The following ATAD2B variants were observed in gnomAD, a reference collection of about 807,000 sequenced individuals.
ATAD2B encodes the protein ATPase family AAA domain containing 2B.
Under a neutral mutation model 167.6 loss-of-function variants are expected in ATAD2B, and 40 were observed. That is an observed-to-expected ratio of 0.24 (90% CI 0.19 to 0.31). The LOEUF (loss-of-function observed/expected upper bound fraction) is 0.31. ATAD2B is among the 10% of genes least tolerant of loss of function. ATAD2B has a pLI of 1.00. For missense variants in ATAD2B, 1,242 were observed against 1,757.2 expected, an observed-to-expected ratio of 0.71 and a Z score of 5.24; for synonymous variants, 579 against 596.5, an observed-to-expected ratio of 0.97 and a Z score of 0.43.
the ATAD2B span, among the ~76,000 whole-genome samples, chr2:23,701,635 C>T: frequency 2.0e-5 from 3 of 150,558 alleles, no homozygotes; most frequent in Admixed American, 6.7e-5. Context: ...ATTGTTTAAG[C>T]CCAGAAGATC....
chr2:23,823,491 T>C lies in ATAD2B; in HGVS notation c.1898A>G (p.Tyr633Cys). Residue 633 changes from tyrosine to cysteine, a missense_variant, in exon 16 of 28, where the codon TAT (tyrosine) becomes TGT (cysteine). By Grantham distance (194) the Tyr-to-Cys change is radical. Around this residue, in one of 9 missense-constraint regions of ATAD2B, gnomAD observed 151 missense variants for 284.1 expected, o/e 0.53. Coordinates refer to ENST00000238789, the MANE Select transcript of ATAD2B (RefSeq NM_017552.4). ...CAGCTGCAGTTTATGACTGCTAGCA[T>C]AGATCTGGGGATAACGCCTCCGCAG... ...IALRRRYPQI[Y>C]ASSHKLQLDV... 1.2e-6 allele frequency: 2 copies of C among 1,613,914 alleles called. No individual in the cohort carries two copies. The highest frequency in any genetic ancestry group is 1.7e-6 in the Non-Finnish European group (2 of 1,179,894).
intron 6 of ATAD2B, among the ~76,000 whole-genome samples, chr2:23,882,502 TAAAA>T (rs770725105): frequency 0.031 from 2,899 of 92,150 alleles, 106 homozygotes; most frequent in African/African-American, 0.11. Flanking sequence ...AGCCTCTATT[TAAAA>T]AAAAAAAAAA....
At chr2:23,735,984 G>A in the ATAD2B span, among the ~76,000 whole-genome samples, 2 of 152,188 alleles carry the variant, frequency 1.3e-5, no homozygotes, top group Non-Finnish European at 2.9e-5. Context: ...AAAGGTAGGA[G>A]AGAACAAAAG....
intron 18 of ATAD2B, among the ~76,000 whole-genome samples, chr2:23,803,206 T>C (rs1277157271): frequency 2.0e-5 from 3 of 152,122 alleles, no homozygotes; most frequent in Non-Finnish European, 4.4e-5. Flanking sequence ...TAGGACTCAG[T>C]AATTACTTGT....
chr2:23,926,679 GC>G lies in ATAD2B; in HGVS notation c.91del (p.Ala31ArgfsTer50). ...PGPGAGAEPG[A>X]TGGSSHFISS... ...GATGAAATGGCTGCTGCCTCCGGTC[GC>G]CCCAGGCTCTGCTCCGGCCCCAGGC... On this transcript the variant is annotated frameshift_variant, in exon 1 of 28. Transcript: ENST00000238789. LOFTEE classifies it high-confidence loss of function. 1 of 1,554,952 alleles carries G rather than the reference GC, an allele frequency of 6.4e-7. No homozygotes were observed. The highest frequency in any genetic ancestry group is 8.7e-7 in the Non-Finnish European group (1 of 1,149,912).
intron 10 of ATAD2B, chr2:23,865,834 T>C (rs17045966): frequency 0.038 from 6,368 of 169,670 alleles, 119 homozygotes; most frequent in Middle Eastern, 0.049. Flanking sequence ...GCAAAGATTG[T>C]TCCTCCCACC....
the ATAD2B span, among the ~76,000 whole-genome samples, chr2:23,728,238 C>A: frequency 0.45 from 69,043 of 151,926 alleles, 16,590 homozygotes; most frequent in East Asian, 0.78. Context: ...AAAAAAAGGT[C>A]TATTAAGTTT....
chr2:23,917,121 T>C (rs1703153657), intron 1 of ATAD2B, among the ~76,000 whole-genome samples: 1 of 152,268 alleles, frequency 6.6e-6, no homozygotes, highest in Non-Finnish European at 1.5e-5. Context: ...CCAAAAATGT[T>C]TGCCCACATG....
intron 18 of ATAD2B, 49 bp downstream of exon 18, chr2:23,810,267 T>G (rs1685350702): frequency 6.7e-7 from 1 of 1,501,310 alleles, no homozygotes; most frequent in Non-Finnish European, 9.2e-7. Context: ...TACTACCAAA[T>G]TATAAGCAAT....
the ATAD2B span, among the ~76,000 whole-genome samples, chr2:23,732,940 ATCTC>A: frequency 6.6e-6 from 1 of 152,198 alleles, no homozygotes; most frequent in Non-Finnish European, 1.5e-5. Context: ...GCAAGTAAAA[ATCTC>A]TCTGTGACTA....
At chr2:23,800,352 T>C (rs1683289324) in intron 18 of ATAD2B, among the ~76,000 whole-genome samples, 1 of 152,170 alleles carries the variant, frequency 6.6e-6, no homozygotes, top group African/African-American at 2.4e-5. Context: ...TTTAAAAAAA[T>C]GAAATTTTGC....
intron 13 of ATAD2B, among the ~76,000 whole-genome samples, chr2:23,854,869 G>A (rs897984524): frequency 8.6e-5 from 13 of 151,910 alleles, no homozygotes; most frequent in Non-Finnish European, 1.2e-4. Context: ...AGCAAACAAA[G>A]ATACAAGCCA....
rs557140688 is a variant in ATAD2B, at chr2:23,891,062, C to A, written c.369-2663G>T. Among the ~76,000 whole-genome samples, 247 of 150,058 alleles carry A rather than the reference C, an allele frequency of 1.6e-3. 3 individuals carry two copies. The highest frequency in any genetic ancestry group is 4.4e-3 in the African/African-American group (181 of 40,740). On this transcript the variant is annotated intron_variant, in intron 2 of 27. Coordinates refer to ENST00000238789, the MANE Select transcript of ATAD2B (RefSeq NM_017552.4). ...TTGAGGTGGAGTCTTGCTCAGCCAC[C>A]CAGGCTGGAGTGCAGTGGTGCGATC... is the stretch of plus-strand genomic sequence containing the variant.
chr2:23,769,435 G>A lies in ATAD2B; in HGVS notation c.3134-3807C>T, dbSNP rs546800796. On this transcript the variant is annotated intron_variant, in intron 22 of 27. Transcript: ENST00000238789. ...AGCCTGGGTGACAGAGGAAGACAGC[G>A]TCTCTTTATTTATTTATAAATAAAT... Among the ~76,000 whole-genome samples the A allele has an allele frequency of 1.2e-3, 181 of 151,698 alleles. 1 individual carries two copies. Among genetic ancestry groups the A allele is most frequent in the African/African-American group, 4.1e-3 (169 of 41,394 alleles).
At chr2:23,876,341 G>A (rs913159862) in intron 7 of ATAD2B, among the ~76,000 whole-genome samples, 11 of 132,614 alleles carry the variant, frequency 8.3e-5, no homozygotes, top group African/African-American at 2.6e-4. Context: ...TCACTCTGTC[G>A]CCCAAACTGG....
chr2:23,798,602 A>C (rs1682971425), intron 18 of ATAD2B, among the ~76,000 whole-genome samples: 1 of 152,156 alleles, frequency 6.6e-6, no homozygotes, highest in African/African-American at 2.4e-5. Context: ...AAGGTATCAA[A>C]TTGCTCCACT....
intron 22 of ATAD2B, among the ~76,000 whole-genome samples, chr2:23,769,615 A>G (rs1225198696): frequency 6.6e-6 from 1 of 151,684 alleles, no homozygotes; most frequent in African/African-American, 2.4e-5. Context: ...ACCACAGTGC[A>G]TCATAGTTCC....
At chr2:23,705,680 A>G in the ATAD2B span, among the ~76,000 whole-genome samples, 1 of 152,158 alleles carries the variant, frequency 6.6e-6, no homozygotes, top group Non-Finnish European at 1.5e-5. Flanking sequence ...TCTCTTTAAG[A>G]GATTTCAGAA....
rs556145489 is a variant in ATAD2B, at chr2:23,838,472, C to A, written c.1569-4394G>T. On this transcript the variant is annotated intron_variant, in intron 13 of 27. Transcript: ENST00000238789. ...CTTTAAAAAAAAAAAATCTGAATGG[C>A]CAACCCTTGGATCAAAATCCTTTAG... Among the ~76,000 whole-genome samples the A allele has an allele frequency of 7.2e-5, 11 of 152,138 alleles. No individual in the cohort carries two copies. In the East Asian group the frequency reaches 2.1e-3, roughly 29 times the overall value.
Sources: allele counts gnomAD v4.1 joint callset (sites outside exome capture counted in the v4.1 genomes callset), GRCh38; gene constraint gnomAD v4.1.1; regional missense constraint gnomAD v4.1.1; transcripts MANE v1.5; gene names NCBI Gene and HGNC (gene_info 2026-07-23, HGNC 2026-07-21).